The following FHOD3 variants were observed in gnomAD, a reference collection of about 807,000 sequenced individuals.
The protein encoded by FHOD3 is FH1/FH2 domain-containing protein 3.
A neutral mutation model predicts 173.0 loss-of-function variants in FHOD3; 90 were observed. That is an observed-to-expected ratio of 0.52 (90% confidence interval 0.44 to 0.62). FHOD3 has a LOEUF of 0.62. FHOD3 is among the 20% of genes least tolerant of loss of function. The pLI is 0.00. For missense variants in FHOD3, 1,945 were observed against 2,034.7 expected (o/e 0.96, Z 0.85); for synonymous variants, 828 against 823.0 (o/e 1.01, Z -0.10).
intron 3 of FHOD3, among the ~76,000 whole-genome samples, chr18:36,490,609 G>A (rs1364080521): frequency 6.6e-6 from 1 of 152,204 alleles, no homozygotes; most frequent in African/African-American, 2.4e-5. Context: ...CCTGCAATAA[G>A]TGGGGAGGGC....
chr18:36,447,278 G>A (rs1176479721), intron 3 of FHOD3, among the ~76,000 whole-genome samples: 1 of 152,156 alleles, frequency 6.6e-6, no homozygotes, highest in African/African-American at 2.4e-5. Flanking sequence ...CATTAACTCT[G>A]TAGGTCAACC....
At chr18:36,702,493 C>T (rs2039644808) in intron 17 of FHOD3, among the ~76,000 whole-genome samples, 1 of 152,160 alleles carries the variant, frequency 6.6e-6, no homozygotes, top group South Asian at 2.1e-4. Context: ...TGTAGTCAAT[C>T]GTGTTAGTTA....
At chr18:36,533,839 G>A (rs1031435879) in intron 5 of FHOD3, among the ~76,000 whole-genome samples, 1 of 152,114 alleles carries the variant, frequency 6.6e-6, no homozygotes, top group South Asian at 2.1e-4. Flanking sequence ...ATGGAATAGT[G>A]GAATATGATG....
intron 28 of FHOD3, 183 bp from the exon 29 acceptor site, chr18:36,779,265 G>C: frequency 1.7e-6 from 1 of 589,710 alleles, no homozygotes; most frequent in East Asian, 2.8e-5. Flanking sequence ...CCAAACTTTT[G>C]TCCTGGCAGA....
At chr18:36,400,607 C>T (rs2048759120) in intron 3 of FHOD3, among the ~76,000 whole-genome samples, 1 of 152,164 alleles carries the variant, frequency 6.6e-6, no homozygotes, top group Admixed American at 6.5e-5. Context: ...TTGAAGGAGT[C>T]CTCTATGAGA....
chr18:36,481,020 G>GTTTTTTTT (rs35793521), intron 3 of FHOD3, among the ~76,000 whole-genome samples: 10 of 104,442 alleles, frequency 9.6e-5, no homozygotes, highest in African/African-American at 4.0e-4. Context: ...TTGGGAGGTG[G>GTTTTTTTT]TTTTTTTTTT....
At chr18:36,584,255 G>A (rs2058952931) in intron 6 of FHOD3, among the ~76,000 whole-genome samples, 1 of 152,096 alleles carries the variant, frequency 6.6e-6, no homozygotes, top group African/African-American at 2.4e-5. Flanking sequence ...TAGATTTCAG[G>A]CTACTTGGTT....
rs773822733 is a variant in FHOD3, at chr18:36,779,569, G to A, written c.*39G>A. The A allele has an allele frequency of 9.4e-6, 15 of 1,587,674 alleles. No homozygotes were observed. The African/African-American group carries it at 1.7e-4, about 18-fold the overall frequency. ...CTCCCAGGAGTGTGCTGAGCAGAAG[G>A]CAAGCTCTTGCTGGATGAAACCCCT... On this transcript the variant is annotated 3_prime_UTR_variant, in exon 29 of 29. Coordinates refer to ENST00000590592, the MANE Select transcript of FHOD3 (RefSeq NM_001281740.3).
intron 4 of FHOD3, among the ~76,000 whole-genome samples, chr18:36,508,646 CA>C (rs56780791): frequency 0.16 from 17,838 of 108,980 alleles, 1,141 homozygotes; most frequent in East Asian, 0.28. Context: ...AATGGATTGA[CA>C]AAAAAAAAAA....
At chr18:36,626,354 T>C (rs2034107918) in intron 10 of FHOD3, among the ~76,000 whole-genome samples, 1 of 152,216 alleles carries the variant, frequency 6.6e-6, no homozygotes, top group Non-Finnish European at 1.5e-5. Flanking sequence ...GCCTCACGTT[T>C]GGGCTGGGAG....
chr18:36,312,575 A>T (rs533749544), intron 1 of FHOD3, among the ~76,000 whole-genome samples: 43 of 152,108 alleles, frequency 2.8e-4, no homozygotes, highest in African/African-American at 1.0e-3. Flanking sequence ...CCAACTGAGA[A>T]CCTCTCCCTA....
intron 5 of FHOD3, among the ~76,000 whole-genome samples, chr18:36,553,345 G>C (rs1032477537): frequency 1.1e-4 from 16 of 152,204 alleles, no homozygotes; most frequent in African/African-American, 3.6e-4. Flanking sequence ...AAATGAGTTA[G>C]GGAGGATTCC....
chr18:36,693,264 C>G lies in FHOD3; in HGVS notation c.2077C>G (p.Arg693Gly), dbSNP rs533572045. 8.1e-6 allele frequency: 13 copies of G among 1,613,814 alleles called. No homozygotes were observed. Among genetic ancestry groups the G allele is most frequent in the Middle Eastern group, 3.3e-4 (2 of 6,054 alleles). The change falls in exon 17 of 29, where the codon CGG becomes GGG. Residue 693 changes from arginine to glycine, a missense_variant. Arg to Gly is a moderately radical substitution (Grantham distance 125, BLOSUM62 -2). Coordinates refer to ENST00000590592, the MANE Select transcript of FHOD3 (RefSeq NM_001281740.3). Reference sequence around the variant, plus strand: ...GGAGCACGAGAAGGAGCTGAGAAGCCGGAGTGTGAGCCGGGGCAGAGCCGA... The same window carrying G: ...GGAGCACGAGAAGGAGCTGAGAAGCGGGAGTGTGAGCCGGGGCAGAGCCGA... The part of the protein sequence containing the change: ...AEEHEKELRS[R>G]SVSRGRADLS...
chr18:36,500,196 A>T (rs1336535835), intron 3 of FHOD3, among the ~76,000 whole-genome samples: 2 of 152,246 alleles, frequency 1.3e-5, no homozygotes, highest in Admixed American at 1.3e-4. Context: ...AAGTGATGTC[A>T]TCTAGTGGGA....
At chr18:36,581,689 C>T (rs1228936507) in intron 6 of FHOD3, among the ~76,000 whole-genome samples, 1 of 152,226 alleles carries the variant, frequency 6.6e-6, no homozygotes, top group Non-Finnish European at 1.5e-5. Flanking sequence ...CACACACATA[C>T]ATACATGCTC....
chr18:36,554,260 G>A (rs1375618186), intron 5 of FHOD3, among the ~76,000 whole-genome samples: 1 of 152,114 alleles, frequency 6.6e-6, no homozygotes, highest in Admixed American at 6.6e-5. Flanking sequence ...ATGATAGACT[G>A]GATTAAGAAA....
At chr18:36,398,882 G>A (rs1457220871) in intron 3 of FHOD3, among the ~76,000 whole-genome samples, 2 of 152,156 alleles carry the variant, frequency 1.3e-5, no homozygotes, top group Admixed American at 6.5e-5. Context: ...ATAGGACAGG[G>A]ATGGGGGGGA....
chr18:36,313,978 G>T (rs952382756), intron 1 of FHOD3, among the ~76,000 whole-genome samples: 2 of 151,902 alleles, frequency 1.3e-5, no homozygotes, highest in Non-Finnish European at 2.9e-5. Context: ...GACCTCCTAG[G>T]CTCAAGTGAT....
At chr18:36,554,709 T>C (rs1299285276) in intron 5 of FHOD3, among the ~76,000 whole-genome samples, 1 of 152,250 alleles carries the variant, frequency 6.6e-6, no homozygotes, top group Non-Finnish European at 1.5e-5. Context: ...CATCTAGTCC[T>C]AGCGATCCCT....
Sources: allele counts gnomAD v4.1 joint callset (sites outside exome capture counted in the v4.1 genomes callset), GRCh38; gene constraint gnomAD v4.1.1; transcripts MANE v1.5; gene names NCBI Gene and HGNC (gene_info 2026-07-23, HGNC 2026-07-21).